RAB30: variants seen among roughly 807,000 people sequenced by gnomAD.
RAB30 encodes the protein RAB30, member RAS oncogene family, also known as ras-related protein Rab-30.
A neutral mutation model predicts 25.1 loss-of-function variants in RAB30; 9 were observed. That is an observed-to-expected ratio of 0.36 (90% CI 0.22 to 0.63). The LOEUF (loss-of-function observed/expected upper bound fraction) is 0.63. Among genes scored for constraint, RAB30 ranks in the 20% least tolerant of loss-of-function variants. The pLI, the probability that RAB30 is intolerant of heterozygous loss-of-function variation, is 0.69. For synonymous variants in RAB30, 77 were observed against 86.4 expected, an observed-to-expected ratio of 0.89 and a Z score of 0.60; for missense variants, 140 against 243.5, an observed-to-expected ratio of 0.58 and a Z score of 2.83.
In RAB30 at chr11:82,974,616, C is replaced by T. The variant is rs147342677; in HGVS notation, c.*7549G>A. 5.9e-5 allele frequency: 9 copies of T among 152,010 alleles called. No individual in the cohort carries two copies. Among genetic ancestry groups the T allele is most frequent in the African/African-American group, 2.2e-4 (9 of 41,386 alleles). 9.4% of individuals were successfully genotyped at this position (152,010 alleles called of 1,614,324 possible). On this transcript the variant is annotated 3_prime_UTR_variant, in exon 5 of 5. Transcript: ENST00000527633. The stretch of plus-strand genomic sequence containing the variant: ...AAACCAATAGCCAAATATCAAGAAT[C>T]GAGTTCATAAAACTCAGTGATTAAC...
At chr11:83,054,654 A>G (rs1162089307) in intron 1 of RAB30, among the ~76,000 whole-genome samples, 1 of 152,004 alleles carries the variant, frequency 6.6e-6, no homozygotes, top group Non-Finnish European at 1.5e-5. Context: ...TGAGCCCAAG[A>G]GTTTGAGACC....
At chr11:83,013,678 A>G (rs1857353490) in intron 1 of RAB30, among the ~76,000 whole-genome samples, 1 of 152,200 alleles carries the variant, frequency 6.6e-6, no homozygotes, top group Non-Finnish European at 1.5e-5. Context: ...TCCCAAGAGA[A>G]AGTCAAACCT....
At position 82,997,212 on chromosome 11, in the gene RAB30, G is replaced by A. The variant is rs202072952; in HGVS notation, c.93+12C>T. On this transcript the variant is annotated intron_variant, in intron 2 of 4. Coordinates refer to ENST00000527633, the MANE Select transcript of RAB30 (RefSeq NM_001286060.2). ...ACCCTGGGCTTACGAGTTCCCTTAC[G>A]AGTTCCCTTACCTGAGTGAATCTTC... 11 of 1,594,194 alleles carry A rather than the reference G, an allele frequency of 6.9e-6. No individual in the cohort carries two copies. Among genetic ancestry groups the A allele is most frequent in the Admixed American group, 5.0e-5 (3 of 59,956 alleles).
At chr11:83,064,858 C>G (rs1858659754) in intron 1 of RAB30, among the ~76,000 whole-genome samples, 1 of 152,080 alleles carries the variant, frequency 6.6e-6, no homozygotes, top group Non-Finnish European at 1.5e-5. Flanking sequence ...TCAAATTTCC[C>G]CGATTATCCT....
At chr11:83,033,602 G>T (rs924399174) in intron 1 of RAB30, among the ~76,000 whole-genome samples, 2 of 152,112 alleles carry the variant, frequency 1.3e-5, no homozygotes, top group Non-Finnish European at 2.9e-5. Context: ...CTTGCCCAAG[G>T]TCATAAGGCA....
intron 1 of RAB30, among the ~76,000 whole-genome samples, chr11:83,065,085 A>G (rs1241404715): frequency 6.6e-6 from 1 of 151,888 alleles, no homozygotes; most frequent in Non-Finnish European, 1.5e-5. Context: ...TTATTTATTT[A>G]TGGTTAGATT....
chr11:83,061,339 A>T (rs1047009353), intron 1 of RAB30, among the ~76,000 whole-genome samples: 4 of 152,206 alleles, frequency 2.6e-5, no homozygotes, highest in African/African-American at 9.7e-5. Context: ...ACATTAAAGG[A>T]AACTAAAGAA....
chr11:83,024,943 G>A (rs1039913148), intron 1 of RAB30, among the ~76,000 whole-genome samples: 1 of 152,176 alleles, frequency 6.6e-6, no homozygotes, highest in South Asian at 2.1e-4. Flanking sequence ...CATCTTTCAA[G>A]ATCTGAGGTG....
chr11:83,028,223 T>C (rs1326112439), intron 1 of RAB30, among the ~76,000 whole-genome samples: 1 of 152,200 alleles, frequency 6.6e-6, no homozygotes, highest in Non-Finnish European at 1.5e-5. Context: ...GACAACATAA[T>C]AGCAGACTTT....
At chr11:82,998,255 C>T (rs990218833) in intron 1 of RAB30, among the ~76,000 whole-genome samples, 1 of 152,112 alleles carries the variant, frequency 6.6e-6, no homozygotes, top group African/African-American at 2.4e-5. Context: ...AATTAATGGG[C>T]ATGTTGCTTA....
intron 3 of RAB30, among the ~76,000 whole-genome samples, chr11:82,992,933 A>G (rs953145564): frequency 3.9e-5 from 6 of 152,136 alleles, no homozygotes; most frequent in African/African-American, 1.4e-4. Context: ...TTTTGAAGAC[A>G]TGGAGTCTCG....
chr11:83,018,264 A>G (rs1857483926), intron 1 of RAB30, among the ~76,000 whole-genome samples: 1 of 142,834 alleles, frequency 7.0e-6, no homozygotes, highest in Non-Finnish European at 1.5e-5. Context: ...GTGCCACTGC[A>G]CTCTAGGCTG....
At chr11:83,060,782 T>C (rs1043012348) in intron 1 of RAB30, among the ~76,000 whole-genome samples, 1 of 152,138 alleles carries the variant, frequency 6.6e-6, no homozygotes, top group Non-Finnish European at 1.5e-5. Context: ...TGGGGGTGTG[T>C]CTGCAAGACT....
chr11:83,020,585 G>A (rs1450280352), intron 1 of RAB30, among the ~76,000 whole-genome samples: 1 of 152,228 alleles, frequency 6.6e-6, no homozygotes, highest in East Asian at 1.9e-4. Context: ...CCCACCTTCA[G>A]GCCAGGGGAG....
At chr11:83,023,290 C>G (rs1176252644) in intron 1 of RAB30, among the ~76,000 whole-genome samples, 1 of 152,126 alleles carries the variant, frequency 6.6e-6, no homozygotes, top group Admixed American at 6.5e-5. Flanking sequence ...CACAATCTCC[C>G]CATAAAACAC....
At chr11:83,032,525 T>G (rs1857890268) in intron 1 of RAB30, among the ~76,000 whole-genome samples, 1 of 152,172 alleles carries the variant, frequency 6.6e-6, no homozygotes, top group South Asian at 2.1e-4. Flanking sequence ...AGACAGCATC[T>G]CACTATTTTG....
At position 82,974,552 on chromosome 11, in the gene RAB30, A is replaced by G. The variant is rs897285702; in HGVS notation, c.*7613T>C. On this transcript the variant is annotated 3_prime_UTR_variant, in exon 5 of 5. Transcript: ENST00000527633. ...TATATTGAAGTTGGTTAGATTTTAT[A>G]TAACGCTGTATACAAATAATACTGA... 2 of 152,198 alleles carry G rather than the reference A, an allele frequency of 1.3e-5. No individual in the cohort carries two copies. The highest frequency in any genetic ancestry group is 2.4e-5 in the African/African-American group (1 of 41,460). The allele number at this position is 152,198 out of a possible 1,614,324, so 9.4% of individuals were successfully genotyped here.
chr11:83,010,344 AG>A (rs1186845530), intron 1 of RAB30, among the ~76,000 whole-genome samples: 2 of 152,150 alleles, frequency 1.3e-5, no homozygotes, highest in Non-Finnish European at 2.9e-5. Context: ...CTAGCTACTC[AG>A]GAGGCTGATG....
chr11:82,983,430 C>T (rs1198256722), intron 4 of RAB30, among the ~76,000 whole-genome samples: 1 of 151,942 alleles, frequency 6.6e-6, no homozygotes, highest in Non-Finnish European at 1.5e-5. Context: ...CAGACCGTAA[C>T]CCTTTTTTTC....
Sources: gnomAD v4.1 joint callset for allele counts (sites outside exome capture counted in the v4.1 genomes callset) on GRCh38, gnomAD v4.1.1 for gene constraint, MANE v1.5 for transcripts, NCBI Gene and HGNC (gene_info 2026-07-23, HGNC 2026-07-21) for gene names.